The following RTRAF variants were observed in gnomAD, a reference collection of about 807,000 sequenced individuals.
The protein encoded by RTRAF is tRNA-splicing ligase complex subunit RTRAF.
RTRAF carries 14 observed loss-of-function variants against 34.4 expected under a neutral mutation model. The ratio of observed to expected loss-of-function variants is 0.41; its 90% CI spans 0.27 to 0.64. The LOEUF (loss-of-function observed/expected upper bound fraction) is 0.64. Ranked by LOEUF, RTRAF falls within the 30% of genes least tolerant of loss-of-function variation. RTRAF has a pLI of 0.34. For synonymous variants in RTRAF, 96 were observed against 95.3 expected (o/e 1.01, Z -0.04); for missense variants, 291 against 288.4 (o/e 1.01, Z -0.06).
chr14:52,004,142 G>T, intron 6 of RTRAF, 52 bp from the exon 7 acceptor site: 1 of 1,478,238 alleles, frequency 6.8e-7, no homozygotes, highest in Non-Finnish European at 9.4e-7. Flanking sequence ...GTTGAGGAAA[G>T]GATGCTATTC....
chr14:51,996,467 T>G (rs1342463914), intron 3 of RTRAF, among the ~76,000 whole-genome samples: 2 of 152,132 alleles, frequency 1.3e-5, no homozygotes, highest in African/African-American at 4.8e-5. Flanking sequence ...TTTTGGTAGC[T>G]TGTCAACATG....
intron 3 of RTRAF, among the ~76,000 whole-genome samples, chr14:51,994,479 C>T (rs1890486333): frequency 6.6e-6 from 1 of 152,134 alleles, no homozygotes; most frequent in Non-Finnish European, 1.5e-5. Flanking sequence ...ATCCCTTTCC[C>T]TTCATCCCAC....
Position 51,998,610 on chromosome 14 carries a change from T to C in RTRAF, c.373+30T>C, listed in dbSNP as rs373333013. The C allele has an allele frequency of 2.6e-5, 37 of 1,419,742 alleles. No individual in the cohort carries two copies. The African/African-American group carries it at 5.0e-4, about 19-fold the overall frequency. The allele number at this position is 1,419,742 out of a possible 1,614,324, so 87.9% of individuals were successfully genotyped here. A position where few individuals can be genotyped will look rare whatever the true frequency, so the allele number is the denominator to read the frequency against. ...GTATATAAATGCATAACATTGAACA[T>C]CAACATTTTTGGTTTTTTAAATGTT... On this transcript the variant is annotated intron_variant, in intron 4 of 7. Transcript: ENST00000261700.
Position 52,010,060 on chromosome 14 carries a change from GT to G in RTRAF, c.*5549del, listed in dbSNP as rs932239917. ...TCAGAAAGGCAAGCCTATGCAAAGA[GT>G]TTTTAAGAGGGCTATTAATTCCTGT... On this transcript the variant is annotated 3_prime_UTR_variant, in exon 8 of 8. Transcript: ENST00000261700. The G allele has an allele frequency of 6.6e-6, 1 of 152,194 alleles. No individual in the cohort carries two copies. Among genetic ancestry groups the G allele is most frequent in the Non-Finnish European group, 1.5e-5 (1 of 68,036 alleles). 9.4% of individuals were successfully genotyped at this position (152,194 alleles called of 1,614,324 possible). A position where few individuals can be genotyped will look rare whatever the true frequency, so the allele number is the denominator to read the frequency against.
intron 6 of RTRAF, 45 bp from the exon 7 acceptor site, chr14:52,004,126 GTTTCAGTTGAGGAAAGGATGCTA>G: frequency 7.3e-7 from 1 of 1,373,650 alleles, no homozygotes; most frequent in South Asian, 1.2e-5. Flanking sequence ...GTGCTTTTCA[GTTTCAGTTGAGGAAAGGATGCTA>G]TTCTTAACCA....
intron 6 of RTRAF, 65 bp downstream of exon 6, chr14:52,001,931 A>C: frequency 1.5e-6 from 2 of 1,348,246 alleles, no homozygotes; most frequent in Non-Finnish European, 2.1e-6. Flanking sequence ...CCGTGATTTT[A>C]AACTTTGCAT....
chr14:52,002,962 A>AACAG, intron 6 of RTRAF, among the ~76,000 whole-genome samples: 1 of 152,212 alleles, frequency 6.6e-6, no homozygotes, highest in Non-Finnish European at 1.5e-5. Flanking sequence ...CTCCCTATAG[A>AACAG]ACAGACAGTA....
intron 6 of RTRAF, 76 bp from the exon 7 acceptor site, chr14:52,004,118 G>T: frequency 1.6e-6 from 2 of 1,264,906 alleles, no homozygotes; most frequent in South Asian, 2.5e-5. Context: ...ATAGCTAGGT[G>T]CTTTTCAGTT....
In RTRAF at chr14:52,004,209, T is replaced by G. The variant is rs771504865; in HGVS notation, c.547T>G (p.Leu183Val). The change falls in exon 7 of 8, where the codon TTA becomes GTA. Residue 183 changes from leucine (L) to valine (V), a missense_variant. By Grantham distance (32) the Leu-to-Val change is conservative (BLOSUM62 1). Transcript: ENST00000261700. ...TTTTTTAAAGGGCTTACCTGTTGCT[T>G]TAGACAAACATATTCTTGGTTTTGA... ...NQTKEGLPVA[L>V]DKHILGFDTG... is the part of the protein sequence containing the mutation. The G allele has an allele frequency of 6.2e-7, 1 of 1,613,384 alleles. No individual in the cohort carries two copies. Among genetic ancestry groups the G allele is most frequent in the Admixed American group, 1.7e-5 (1 of 59,978 alleles).
In RTRAF at chr14:52,005,325, GCTTTTCACAAAAGT is replaced by G; in HGVS notation, c.*815_*828del. 1.9e-6 allele frequency: 1 copy of G among 522,790 alleles called. No individual in the cohort carries two copies. Among genetic ancestry groups the G allele is most frequent in the South Asian group, 7.0e-5 (1 of 14,248 alleles). 32.4% of individuals were successfully genotyped at this position (522,790 alleles called of 1,614,324 possible). A position where few individuals can be genotyped will look rare whatever the true frequency, so the allele number is the denominator to read the frequency against. Reference sequence around the variant, plus strand: ...TACAGTAGTAAAGATTGAGGTATCAGCTTTTCACAAAAGTCTTTTTGCACTACAAAATGTTCATC... The same window carrying G: ...TACAGTAGTAAAGATTGAGGTATCAGCTTTTTGCACTACAAAATGTTCATC... On this transcript the variant is annotated 3_prime_UTR_variant, in exon 8 of 8. Coordinates refer to ENST00000261700, the MANE Select transcript of RTRAF (RefSeq NM_016039.3).
chr14:52,005,919 A>G lies in RTRAF; in HGVS notation c.*1403A>G. On this transcript the variant is annotated 3_prime_UTR_variant, in exon 8 of 8. Transcript: ENST00000261700. ...AGATAAAGAAGTCAGTCAGCCACAGAAAATCAGTTGCAATAGAGGAAAATT... is the reference window on the plus strand; with the variant it reads ...AGATAAAGAAGTCAGTCAGCCACAGGAAATCAGTTGCAATAGAGGAAAATT... 1 of 1,204,558 alleles carries G rather than the reference A, an allele frequency of 8.3e-7. No individual in the cohort carries two copies. Among genetic ancestry groups the G allele is most frequent in the Non-Finnish European group, 1.2e-6 (1 of 813,310 alleles). 74.6% of individuals were successfully genotyped at this position (1,204,558 alleles called of 1,614,324 possible).
At chr14:51,993,596 A>C in intron 2 of RTRAF, 127 bp from the exon 3 acceptor site, 1 of 611,368 alleles carries the variant, frequency 1.6e-6, no homozygotes, top group Non-Finnish European at 2.9e-6. Flanking sequence ...TTGCATCAAA[A>C]GTGTAGTAAT....
intron 7 of RTRAF, 26 bp downstream of exon 7, chr14:52,004,268 CTATT>C: frequency 4.3e-6 from 7 of 1,609,636 alleles, no homozygotes; most frequent in Non-Finnish European, 5.9e-6. Context: ...TAAATTCAAA[CTATT>C]TTTTTTACAG....
At position 52,006,810 on chromosome 14, in the gene RTRAF, C is replaced by T. The variant is rs945332403; in HGVS notation, c.*2294C>T. ...ATTAGCAACTGTAAAATTACCTGTC[C>T]TATTACTAGTCTCCAGTTTTTAGTA... On this transcript the variant is annotated 3_prime_UTR_variant, in exon 8 of 8. Transcript: ENST00000261700. 3 of 711,842 alleles carry T rather than the reference C, an allele frequency of 4.2e-6. No homozygotes were observed. The African/African-American group carries it at 5.4e-5, about 13-fold the overall frequency. 44.1% of individuals were successfully genotyped at this position (711,842 alleles called of 1,614,324 possible).
In RTRAF at chr14:52,001,646, T is replaced by G. The variant is rs528310892; in HGVS notation, c.463-152T>G. 3.2e-4 allele frequency: 198 copies of G among 625,488 alleles called. 1 individual carries two copies. Among genetic ancestry groups the G allele is most frequent in the South Asian group, 1.2e-3 (57 of 47,732 alleles). The allele number at this position is 625,488 out of a possible 1,614,324, so 38.7% of individuals were successfully genotyped here. A position where few individuals can be genotyped will look rare whatever the true frequency, so the allele number is the denominator to read the frequency against. The stretch of plus-strand genomic sequence containing the variant: ...TGAAAGGTTACGTTATATTAGTGGG[T>G]TTTTTTTATTTTTAATTTAATGGGG... On this transcript the variant is annotated intron_variant, in intron 5 of 7. Coordinates refer to ENST00000261700, the MANE Select transcript of RTRAF (RefSeq NM_016039.3).
Position 52,007,933 on chromosome 14 carries a change from G to A in RTRAF, c.*3417G>A. ...TCTAAAGATGACGTTTCAATTTTAG[G>A]AGCTTCTCTATTCCAGTCTGTCCAG... On this transcript the variant is annotated 3_prime_UTR_variant, in exon 8 of 8. Coordinates refer to ENST00000261700, the MANE Select transcript of RTRAF (RefSeq NM_016039.3). 4 of 1,613,424 alleles carry A rather than the reference G, an allele frequency of 2.5e-6. No individual in the cohort carries two copies. Among genetic ancestry groups the A allele is most frequent in the Non-Finnish European group, 3.4e-6 (4 of 1,179,788 alleles).
Position 52,006,882 on chromosome 14 carries a change from C to T in RTRAF, c.*2366C>T, listed in dbSNP as rs1002228380. Reference sequence around the variant, plus strand: ...TTTTTGGAAGACAGGATTGCATTTACTGAAATCTGGTAAGTTTCTGCCAAA... The same window carrying T: ...TTTTTGGAAGACAGGATTGCATTTATTGAAATCTGGTAAGTTTCTGCCAAA... On this transcript the variant is annotated 3_prime_UTR_variant, in exon 8 of 8. Transcript: ENST00000261700. The T allele has an allele frequency of 8.0e-6, 3 of 374,048 alleles. No homozygotes were observed. Among genetic ancestry groups the T allele is most frequent in the South Asian group, 3.7e-5 (1 of 27,226 alleles). The allele number at this position is 374,048 out of a possible 1,614,324, so 23.2% of individuals were successfully genotyped here.
chr14:51,994,750 A>G (rs2140327796), intron 3 of RTRAF, among the ~76,000 whole-genome samples: 1 of 152,208 alleles, frequency 6.6e-6, no homozygotes, highest in East Asian at 1.9e-4. Context: ...CTAATTTCCC[A>G]TTTTCTATAA....
intron 6 of RTRAF, among the ~76,000 whole-genome samples, chr14:52,002,677 C>T (rs1890618687): frequency 6.6e-6 from 1 of 152,206 alleles, no homozygotes. Flanking sequence ...CTCAGGTCAG[C>T]AGCAGCAGTG....
Sources: allele counts gnomAD v4.1 joint callset (sites outside exome capture counted in the v4.1 genomes callset), GRCh38; gene constraint gnomAD v4.1.1; transcripts MANE v1.5; gene names NCBI Gene and HGNC (gene_info 2026-07-23, HGNC 2026-07-21).